MAPK8: variants seen among roughly 807,000 people sequenced by gnomAD.
MAPK8 encodes JUN N-terminal kinase.
MAPK8 carries 13 observed loss-of-function variants against 52.9 expected under a neutral mutation model. The ratio of observed to expected loss-of-function variants is 0.25; its 90% CI spans 0.16 to 0.39. The LOEUF (loss-of-function observed/expected upper bound fraction) is 0.39, where lower values mean the gene tolerates loss of function less well. MAPK8 is among the 10% of genes least tolerant of loss of function. The pLI is 1.00. For missense variants in MAPK8, 300 were observed against 519.2 expected, an observed-to-expected ratio of 0.58 and a Z score of 4.10; for synonymous variants, 191 against 169.8, an observed-to-expected ratio of 1.12 and a Z score of -0.97.
intron 1 of MAPK8, among the ~76,000 whole-genome samples, chr10:48,368,887 C>T (rs1848303459): frequency 6.6e-6 from 1 of 152,172 alleles, no homozygotes. Context: ...TGCTTCATTG[C>T]TCTGTGTATA....
At chr10:48,375,379 G>A (rs1442169547) in intron 1 of MAPK8, among the ~76,000 whole-genome samples, 1 of 152,180 alleles carries the variant, frequency 6.6e-6, no homozygotes, top group Non-Finnish European at 1.5e-5. Context: ...AGTATTGGAA[G>A]TTCTGGCCAG....
intron 1 of MAPK8, among the ~76,000 whole-genome samples, chr10:48,319,647 G>A (rs993932754): frequency 6.6e-6 from 1 of 151,456 alleles, no homozygotes; most frequent in Non-Finnish European, 1.5e-5. Flanking sequence ...CTGCCACTAG[G>A]CCTGGCTAAT....
rs972962936 is a variant in MAPK8 at position 48,428,155 on chromosome 10, G to T, written c.1060+1012G>T. On this transcript the variant is annotated intron_variant, in intron 10 of 11. Coordinates refer to ENST00000374189, the MANE Select transcript of MAPK8 (RefSeq NM_001323329.2). ...CAGAATGGGTTAATTTTTAATATTT[G>T]TAAATCTAATGTAGTTTTATTCTAT... is the stretch of plus-strand genomic sequence containing the variant. Among the ~76,000 whole-genome samples, 5 of 152,114 alleles carry T rather than the reference G, an allele frequency of 3.3e-5. No individual in the cohort carries two copies. In the South Asian group the frequency reaches 1.0e-3, roughly 31 times the overall value.
intron 1 of MAPK8, among the ~76,000 whole-genome samples, chr10:48,386,197 A>C (rs10857560): frequency 0.5 from 76,607 of 151,952 alleles, 19,929 homozygotes; most frequent in Middle Eastern, 0.72. Context: ...AGTTAGAAGA[A>C]AATGTCAGGC....
rs2044662779 is a variant in MAPK8 at position 48,434,431 on chromosome 10, G to C, written c.1139-453G>C. On this transcript the variant is annotated intron_variant, in intron 11 of 11. Coordinates refer to ENST00000374189, the MANE Select transcript of MAPK8 (RefSeq NM_001323329.2). Reference sequence around the variant, plus strand: ...GAATCATTTGAATTTTTCCTTTTTAGTGAGAAGCTGTAAAGACTTTTTTGT... The same window carrying C: ...GAATCATTTGAATTTTTCCTTTTTACTGAGAAGCTGTAAAGACTTTTTTGT... 2.0e-5 allele frequency among the ~76,000 whole-genome samples: 3 copies of C among 152,274 alleles called. No individual in the cohort carries two copies. In the South Asian group the frequency reaches 6.2e-4, roughly 32 times the overall value.
intron 3 of MAPK8, among the ~76,000 whole-genome samples, chr10:48,406,007 G>A (rs1425226425): frequency 1.3e-5 from 2 of 152,146 alleles, no homozygotes; most frequent in African/African-American, 2.4e-5. Context: ...CAAAGCAGTG[G>A]CCGTTTGTCA....
intron 1 of MAPK8, among the ~76,000 whole-genome samples, chr10:48,321,767 GTTCT>G (rs1843018972): frequency 6.6e-6 from 1 of 152,072 alleles, no homozygotes; most frequent in South Asian, 2.1e-4. Context: ...TGAAAATACT[GTTCT>G]TTCTTACCAA....
At chr10:48,394,716 TTA>T (rs1460094977) in intron 1 of MAPK8, among the ~76,000 whole-genome samples, 1 of 151,854 alleles carries the variant, frequency 6.6e-6, no homozygotes, top group African/African-American at 2.4e-5. Flanking sequence ...TGTATGGAAA[TTA>T]TAGTTAGGGC....
At chr10:48,425,115 A>C in intron 7 of MAPK8, 1 of 712,050 alleles carries the variant, frequency 1.4e-6, no homozygotes, top group South Asian at 1.5e-5. Flanking sequence ...CACTACTTTT[A>C]ATATTTATAT....
chr10:48,324,381 C>A (rs1040824435), intron 1 of MAPK8, among the ~76,000 whole-genome samples: 3 of 152,214 alleles, frequency 2.0e-5, no homozygotes, highest in Non-Finnish European at 2.9e-5. Flanking sequence ...TCTTATTCTG[C>A]CCCTCTCCTC....
chr10:48,393,005 C>T (rs2041706712), intron 1 of MAPK8, among the ~76,000 whole-genome samples: 2 of 152,122 alleles, frequency 1.3e-5, no homozygotes, highest in Admixed American at 6.6e-5. Flanking sequence ...CTTCCTTTGG[C>T]TTCTTCAGTA....
chr10:48,312,405 G>A (rs1173384940), intron 1 of MAPK8, among the ~76,000 whole-genome samples: 1 of 152,182 alleles, frequency 6.6e-6, no homozygotes, highest in Non-Finnish European at 1.5e-5. Context: ...ACTTTTTAAA[G>A]TCTCTCTCCA....
chr10:48,433,395 A>C (rs139981178), intron 11 of MAPK8, among the ~76,000 whole-genome samples: 4 of 152,354 alleles, frequency 2.6e-5, no homozygotes, highest in Non-Finnish European at 4.4e-5. Context: ...ATTGTGTACT[A>C]TGTATGGTAC....
chr10:48,374,060 C>G (rs2040498934), intron 1 of MAPK8, among the ~76,000 whole-genome samples: 2 of 152,158 alleles, frequency 1.3e-5, no homozygotes, highest in Admixed American at 1.3e-4. Context: ...GACCACAGTG[C>G]AGTCAAATTA....
intron 1 of MAPK8, among the ~76,000 whole-genome samples, chr10:48,315,077 T>C (rs145777573): frequency 4.9e-4 from 75 of 152,356 alleles, no homozygotes; most frequent in African/African-American, 1.8e-3. Context: ...TTTATTATTG[T>C]AGTTTATGCT....
At chr10:48,325,647 T>G in intron 1 of MAPK8, among the ~76,000 whole-genome samples, 1 of 152,240 alleles carries the variant, frequency 6.6e-6, no homozygotes, top group East Asian at 1.9e-4. Flanking sequence ...TTATTACAAT[T>G]AGTGAAAAGT....
intron 1 of MAPK8, among the ~76,000 whole-genome samples, chr10:48,318,038 G>C (rs1288076576): frequency 6.7e-6 from 1 of 149,348 alleles, no homozygotes; most frequent in Non-Finnish European, 1.5e-5. Context: ...AGGTGTATTA[G>C]AGTTCTCCAG....
intron 1 of MAPK8, among the ~76,000 whole-genome samples, chr10:48,369,006 T>G (rs570166601): frequency 1.3e-5 from 2 of 152,280 alleles, no homozygotes; most frequent in African/African-American, 4.8e-5. Context: ...TGTCTACCCT[T>G]GGTTTAATCA....
intron 1 of MAPK8, among the ~76,000 whole-genome samples, chr10:48,353,500 A>G (rs1472275038): frequency 6.6e-6 from 1 of 152,242 alleles, no homozygotes; most frequent in African/African-American, 2.4e-5. Context: ...TGGCCTGTTC[A>G]AATGGTACTG....
Sources: allele counts gnomAD v4.1 joint callset (sites outside exome capture counted in the v4.1 genomes callset), GRCh38; gene constraint gnomAD v4.1.1; transcripts MANE v1.5; gene names NCBI Gene and HGNC (gene_info 2026-07-23, HGNC 2026-07-21).